Variants in VWA5B1 observed in about 807,000 individuals in gnomAD.
VWA5B1 encodes the protein von Willebrand factor A domain containing 5B1.
VWA5B1 carries 115 observed loss-of-function variants against 118.2 expected under a neutral mutation model. That is an observed-to-expected ratio of 0.97 (90% CI 0.84 to 1.14). The LOEUF is 1.14. VWA5B1 is among the 50% of genes most tolerant of loss of function. VWA5B1 has a pLI of 0.00. For missense variants in VWA5B1, 1,596 were observed against 1,603.8 expected (o/e 1.00, Z 0.08); for synonymous variants, 682 against 658.4 (o/e 1.04, Z -0.55).
chr1:20,343,420 C>A (rs2089931690), intron 16 of VWA5B1, 27 bp downstream of exon 16: 1 of 1,480,700 alleles, frequency 6.8e-7, no homozygotes. Context: ...TGCGCCCCTC[C>A]CGCGGACGGC....
intron 19 of VWA5B1, among the ~76,000 whole-genome samples, chr1:20,350,465 AG>A (rs1318586386): frequency 2.6e-5 from 4 of 152,328 alleles, no homozygotes; most frequent in Non-Finnish European, 5.9e-5. Flanking sequence ...GGCCTGGATC[AG>A]GCCTCCTAGT....
At chr1:20,341,600 G>T (rs909311264) in intron 14 of VWA5B1, among the ~76,000 whole-genome samples, 2 of 152,134 alleles carry the variant, frequency 1.3e-5, no homozygotes, top group South Asian at 2.1e-4. Flanking sequence ...TGCTATAAAC[G>T]GCCTGCAAAT....
In VWA5B1 at chr1:20,357,615, G is replaced by A. The variant is rs185399366; in HGVS notation, c.*3352G>A. On this transcript the variant is annotated 3_prime_UTR_variant, in exon 22 of 22. Coordinates refer to ENST00000289815, the MANE Select transcript of VWA5B1 (RefSeq NM_001039500.3). ...AGGCATGGCATACTGGGGTACCACA[G>A]TGAACATACGAGGTGCTGTCCCTGT... Among the ~76,000 whole-genome samples, 25 of 152,348 alleles carry A rather than the reference G, an allele frequency of 1.6e-4. No homozygotes were observed. Among genetic ancestry groups the A allele is most frequent in the African/African-American group, 5.0e-4 (21 of 41,586 alleles).
At chr1:20,333,552 G>A (rs1317942672) in intron 12 of VWA5B1, among the ~76,000 whole-genome samples, 1 of 152,226 alleles carries the variant, frequency 6.6e-6, no homozygotes, top group East Asian at 1.9e-4. Context: ...TAAAGCCCAG[G>A]AAACTGCATT....
chr1:20,327,835 GCCGAGTGACAAGAACTCCTTC>G, intron 8 of VWA5B1, 34 bp from the exon 9 acceptor site: 1 of 1,427,698 alleles, frequency 7.0e-7, no homozygotes, highest in Non-Finnish European at 9.7e-7. Flanking sequence ...GAGTGCAGTG[GCCGAGTGACAAGAACTCCTTC>G]CTGAATCCTG....
chr1:20,351,017 A>G (rs2101021248), intron 20 of VWA5B1, 91 bp downstream of exon 20: 6 of 1,289,830 alleles, frequency 4.7e-6, no homozygotes, highest in Non-Finnish European at 6.5e-6. Flanking sequence ...AAGGCCAAAG[A>G]CAGGTTCAGC....
In VWA5B1 at chr1:20,353,793, A is replaced by G. The variant is rs1181249930; in HGVS notation, c.3178A>G (p.Asn1060Asp). 6.8e-7 allele frequency: 1 copy of G among 1,472,570 alleles called. No individual in the cohort carries two copies. Among genetic ancestry groups the G allele is most frequent in the East Asian group, 2.5e-5 (1 of 40,318 alleles). The allele number at this position is 1,472,570 out of a possible 1,614,324, so 91.2% of individuals were successfully genotyped here. A position where few individuals can be genotyped will look rare whatever the true frequency, so the allele number is the denominator to read the frequency against. Residue 1060 changes from asparagine (N) to aspartate (D), a missense_variant, in exon 22 of 22, where the codon AAC becomes GAC. Transcript: ENST00000289815. The part of the protein sequence containing the change: ...LQLASGAFLL[N>D]EAFCEATHIP... Reference sequence around the variant, plus strand: ...GCTGGCCTCCGGAGCCTTCCTGCTCAACGAAGCCTTCTGTGAGGCCACGCA... The same window carrying G: ...GCTGGCCTCCGGAGCCTTCCTGCTCGACGAAGCCTTCTGTGAGGCCACGCA...
chr1:20,314,390 G>A lies in VWA5B1; in HGVS notation c.361G>A (p.Glu121Lys), dbSNP rs754928434. The A allele has an allele frequency of 5.2e-5, 80 of 1,551,908 alleles. No individual in the cohort carries two copies. Among genetic ancestry groups the A allele is most frequent in the Non-Finnish European group, 6.6e-5 (76 of 1,147,066 alleles). The stretch of plus-strand genomic sequence containing the variant: ...CACACCGGGAAAGGTGACCTTGGAC[G>A]AGGATTTGGAGCGGATCCTGTTCGT... ...SCTPGKVTLD[E>K]DLERILFVAN... is the part of the protein sequence containing the mutation. Residue 121 changes from glutamate to lysine, a missense_variant, in exon 4 of 22, where the codon GAG becomes AAG. By Grantham distance (56) the Glu-to-Lys change is moderately conservative. Transcript: ENST00000289815.
Position 20,348,357 on chromosome 1 carries a change from T to C in VWA5B1, c.2877T>C (p.Asn959=). The C allele has an allele frequency of 6.4e-7, 1 of 1,551,528 alleles. No individual in the cohort carries two copies. The highest frequency in any genetic ancestry group is 8.7e-7 in the Non-Finnish European group (1 of 1,147,014). The change falls in exon 18 of 22, where the codon AAT becomes AAC. Residue 959 remains asparagine (N), a splice_region_variant and synonymous_variant. Coordinates refer to ENST00000289815, the MANE Select transcript of VWA5B1 (RefSeq NM_001039500.3). ...TMLGEDSAPG[N]DMEASPTALF... ...TTGGAGAAGATTCGGCACCAGGAAA[T>C]GGTAAATTTCAGGCCCTAAGTAAGA...
chr1:20,331,393 A>T (rs181368360), intron 11 of VWA5B1, among the ~76,000 whole-genome samples: 31 of 152,346 alleles, frequency 2.0e-4, no homozygotes, highest in Admixed American at 6.5e-4. Flanking sequence ...CACATTTGAC[A>T]CGAATAATCT....
chr1:20,310,010 G>A (rs1484167665), intron 1 of VWA5B1, among the ~76,000 whole-genome samples: 1 of 150,700 alleles, frequency 6.6e-6, no homozygotes, highest in East Asian at 1.9e-4. Flanking sequence ...TGACTCCCAG[G>A]TTTTGGCCTC....
In VWA5B1 at chr1:20,312,945, C is replaced by T. The variant is rs753111672; in HGVS notation, c.249C>T (p.Ser83=). 1.1e-5 allele frequency: 17 copies of T among 1,551,574 alleles called. No homozygotes were observed. The highest frequency in any genetic ancestry group is 9.5e-5 in the South Asian group (8 of 84,038). The change falls in exon 3 of 22, where the codon AGC becomes AGT. Residue 83 remains serine, a synonymous_variant. Transcript: ENST00000289815. ...VQIKDKAKLE[S]GHFDASHVRS... ...TCAAGGACAAAGCCAAGCTGGAGAG[C>T]GGCCACTTCGATGCCTCCCATGTTC...
At chr1:20,330,010 A>G (rs2089500003) in intron 9 of VWA5B1, among the ~76,000 whole-genome samples, 170 bp from the exon 10 acceptor site, 1 of 152,208 alleles carries the variant, frequency 6.6e-6, no homozygotes, top group Non-Finnish European at 1.5e-5. Context: ...GATGACACCA[A>G]ATGAGTGGCC....
In VWA5B1 at chr1:20,336,451, C is replaced by T. The variant is rs147563081; in HGVS notation, c.1907C>T (p.Ala636Val). Residue 636 changes from alanine to valine, a missense_variant, in exon 13 of 22, where the codon GCC (alanine) becomes GTC (valine). Coordinates refer to ENST00000289815, the MANE Select transcript of VWA5B1 (RefSeq NM_001039500.3). ...APFILGQAKN[A>V]RLASGDSTTK... The stretch of plus-strand genomic sequence containing the variant: ...TTCATCCTAGGGCAGGCCAAAAATG[C>T]CCGGCTAGCCAGCGGAGACTCTACC... 4 of 1,477,338 alleles carry T rather than the reference C, an allele frequency of 2.7e-6. No individual in the cohort carries two copies. The highest frequency in any genetic ancestry group is 2.7e-6 in the Non-Finnish European group (3 of 1,107,142). The allele number at this position is 1,477,338 out of a possible 1,614,324, so 91.5% of individuals were successfully genotyped here.
chr1:20,319,782 T>G (rs1038305914), intron 7 of VWA5B1, among the ~76,000 whole-genome samples: 3 of 152,208 alleles, frequency 2.0e-5, no homozygotes, highest in Non-Finnish European at 2.9e-5. Flanking sequence ...TTATATATGG[T>G]GGCAGAATGG....
intron 1 of VWA5B1, among the ~76,000 whole-genome samples, chr1:20,301,039 T>C (rs1435243350): frequency 6.6e-6 from 1 of 152,176 alleles, no homozygotes; most frequent in African/African-American, 2.4e-5. Flanking sequence ...GCGCATTGTG[T>C]ACGGGGAAGC....
chr1:20,304,895 G>C (rs997673653), intron 1 of VWA5B1, among the ~76,000 whole-genome samples: 1 of 151,850 alleles, frequency 6.6e-6, no homozygotes, highest in Admixed American at 6.6e-5. Context: ...TATCAAATAG[G>C]GATACTAAGA....
At position 20,337,735 on chromosome 1, in the gene VWA5B1, C is replaced by G. The variant is rs376665529; in HGVS notation, c.2032C>G (p.Pro678Ala). 1.2e-5 allele frequency: 18 copies of G among 1,551,620 alleles called. No individual in the cohort carries two copies. Among genetic ancestry groups the G allele is most frequent in the Admixed American group, 2.0e-5 (1 of 50,978 alleles). The change falls in exon 14 of 22, where the codon CCC becomes GCC. Residue 678 changes from proline (P) to alanine (A), a missense_variant. Physicochemically the swap from Pro to Ala is conservative, Grantham distance 27. Coordinates refer to ENST00000289815, the MANE Select transcript of VWA5B1 (RefSeq NM_001039500.3). ...CCCAAGAGCCACCATGGCAAGTGAC[C>G]CCATGCCAGCTGCCAAGAGATACCC... ...PLPRATMASD[P>A]MPAAKRYPLR...
chr1:20,345,677 C>G, intron 17 of VWA5B1, 84 bp downstream of exon 17: 3 of 1,451,940 alleles, frequency 2.1e-6, no homozygotes, highest in Non-Finnish European at 2.7e-6. Flanking sequence ...TACAAAGGAC[C>G]ACAGACCAGC....
Sources: gnomAD v4.1 joint callset for allele counts (sites outside exome capture counted in the v4.1 genomes callset) on GRCh38, gnomAD v4.1.1 for gene constraint, MANE v1.5 for transcripts, NCBI Gene and HGNC (gene_info 2026-07-23, HGNC 2026-07-21) for gene names.